Variants in CALN1 observed in about 807,000 individuals in gnomAD.
CALN1 encodes the protein calcium-binding protein 8.
A neutral mutation model predicts 30.6 loss-of-function variants in CALN1; 17 were observed. The observed-to-expected ratio is 0.56, with a 90% confidence interval of 0.38 to 0.83. The LOEUF (loss-of-function observed/expected upper bound fraction) is 0.83. Among genes scored for constraint, CALN1 ranks in the 40% least tolerant of loss-of-function variants. The pLI, the probability that CALN1 is intolerant of heterozygous loss-of-function variation, is 0.00. For synonymous variants in CALN1, 156 were observed against 131.4 expected, an observed-to-expected ratio of 1.19 and a Z score of -1.28; for missense variants, 291 against 354.9, an observed-to-expected ratio of 0.82 and a Z score of 1.45.
intron 6 of CALN1, among the ~76,000 whole-genome samples, chr7:71,794,486 TCTC>T (rs1029241472): frequency 6.6e-6 from 1 of 152,206 alleles, no homozygotes; most frequent in Non-Finnish European, 1.5e-5. Flanking sequence ...TCTGACTTCT[TCTC>T]CTAATTGCCA....
intron 1 of CALN1, among the ~76,000 whole-genome samples, chr7:72,440,688 G>A (rs1002718778): frequency 6.6e-6 from 1 of 152,158 alleles, no homozygotes; most frequent in African/African-American, 2.4e-5. Context: ...TTAGCTGGGT[G>A]TGGTGGCTTA....
Position 72,200,598 on chromosome 7 carries a change from T to A in CALN1, c.244+78088A>T, listed in dbSNP as rs560082803. 9.9e-5 allele frequency among the ~76,000 whole-genome samples: 15 copies of A among 152,128 alleles called. No individual in the cohort carries two copies. The East Asian group carries it at 2.7e-3, about 27-fold the overall frequency. On this transcript the variant is annotated intron_variant, in intron 3 of 6. Transcript: ENST00000395275. ...GGTGGGGTGGAGCTGGGGCTTGAGC[T>A]GAGATCTGCCATCAAAGCCCAGGTT...
chr7:71,847,044 G>T (rs1300035291), intron 5 of CALN1, among the ~76,000 whole-genome samples: 1 of 151,054 alleles, frequency 6.6e-6, no homozygotes, highest in Non-Finnish European at 1.5e-5. Flanking sequence ...AGATCTGCAG[G>T]GTAAGGTGGC....
rs758268653 is a variant in CALN1 at position 71,796,238 on chromosome 7, TG to T, written c.659-8337del. 1.9e-4 allele frequency among the ~76,000 whole-genome samples: 29 copies of T among 152,310 alleles called. No individual in the cohort carries two copies. In the East Asian group the frequency reaches 5.2e-3, roughly 27 times the overall value. ...TTCCTTCCACCTTTTGGGTACTATA[TG>T]AGTCATGCCGCTATGAACATCCATG... On this transcript the variant is annotated intron_variant, in intron 6 of 6. Transcript: ENST00000395275.
At chr7:72,011,225 C>CA (rs201590274) in intron 5 of CALN1, among the ~76,000 whole-genome samples, 2,321 of 149,216 alleles carry the variant, frequency 0.016, 43 homozygotes, top group East Asian at 0.019. Flanking sequence ...TAGGAAAAAA[C>CA]AAAAAAAAAC....
At chr7:72,181,252 T>C (rs1007568955) in intron 3 of CALN1, among the ~76,000 whole-genome samples, 3 of 148,428 alleles carry the variant, frequency 2.0e-5, no homozygotes, top group Non-Finnish European at 4.5e-5. Flanking sequence ...TATAAACATA[T>C]AGTTTTTAGT....
At chr7:72,439,951 G>A (rs904670016) in intron 1 of CALN1, among the ~76,000 whole-genome samples, 1 of 152,156 alleles carries the variant, frequency 6.6e-6, no homozygotes, top group South Asian at 2.1e-4. Context: ...TGTCTCAGGG[G>A]TGGTGGAGGC....
chr7:72,488,890 C>T, the CALN1 span, among the ~76,000 whole-genome samples: 2 of 152,224 alleles, frequency 1.3e-5, no homozygotes, highest in East Asian at 3.9e-4. Flanking sequence ...CACTATGTTG[C>T]CCAGGCTTCC....
intron 2 of CALN1, among the ~76,000 whole-genome samples, chr7:72,356,018 G>C (rs1249415999): frequency 6.6e-6 from 1 of 152,122 alleles, no homozygotes; most frequent in Non-Finnish European, 1.5e-5. Flanking sequence ...AAATGTTTGA[G>C]GTGACTGATT....
chr7:72,124,773 G>A (rs908863426), intron 3 of CALN1, among the ~76,000 whole-genome samples: 3 of 150,670 alleles, frequency 2.0e-5, no homozygotes, highest in African/African-American at 7.3e-5. Flanking sequence ...AAGACAACCT[G>A]AAGAAAAAAA....
intron 5 of CALN1, among the ~76,000 whole-genome samples, chr7:72,015,158 A>G (rs10280279): frequency 0.14 from 21,841 of 152,200 alleles, 2,480 homozygotes; most frequent in East Asian, 0.34. Flanking sequence ...ACTTATGAAT[A>G]AGGATAACTA....
chr7:71,864,299 C>A (rs560142054), intron 5 of CALN1, among the ~76,000 whole-genome samples: 1 of 152,252 alleles, frequency 6.6e-6, no homozygotes, highest in African/African-American at 2.4e-5. Context: ...GGATAGTACA[C>A]TGGGTGGGCC....
intron 3 of CALN1, among the ~76,000 whole-genome samples, chr7:72,187,082 T>C (rs1377414579): frequency 1.3e-5 from 2 of 152,084 alleles, no homozygotes; most frequent in Non-Finnish European, 2.9e-5. Context: ...AAGAATATGA[T>C]TGCTTTAGCC....
At chr7:71,919,276 A>C (rs553529842) in intron 5 of CALN1, among the ~76,000 whole-genome samples, 1 of 152,232 alleles carries the variant, frequency 6.6e-6, no homozygotes, top group Non-Finnish European at 1.5e-5. Context: ...CAATGCCTAC[A>C]TGATAAGGTA....
chr7:71,869,835 G>GA (rs1181607020), intron 5 of CALN1, among the ~76,000 whole-genome samples: 1 of 152,142 alleles, frequency 6.6e-6, no homozygotes, highest in African/African-American at 2.4e-5. Flanking sequence ...AAAGGTGAGT[G>GA]AAACTGCGAG....
At chr7:72,232,457 ATTTT>A (rs397958180) in intron 3 of CALN1, among the ~76,000 whole-genome samples, 1 of 151,800 alleles carries the variant, frequency 6.6e-6, no homozygotes, top group Non-Finnish European at 1.5e-5. Context: ...TTTCAAAAAA[ATTTT>A]TTTTTAATTT....
intron 5 of CALN1, among the ~76,000 whole-genome samples, chr7:71,955,427 C>T (rs866999481): frequency 2.6e-5 from 4 of 152,062 alleles, no homozygotes; most frequent in Non-Finnish European, 4.4e-5. Flanking sequence ...TTTTTGCATA[C>T]GTTCCTTTAT....
chr7:72,192,775 G>A (rs934204406), intron 3 of CALN1, among the ~76,000 whole-genome samples: 1 of 150,144 alleles, frequency 6.7e-6, no homozygotes, highest in Admixed American at 6.6e-5. Context: ...CTAGCATTAG[G>A]TATATCTCCC....
At chr7:72,388,320 T>C (rs1805365892) in intron 2 of CALN1, among the ~76,000 whole-genome samples, 1 of 152,096 alleles carries the variant, frequency 6.6e-6, no homozygotes. Flanking sequence ...TCCTACCTCC[T>C]GTCCTGCCTG....
Sources: gnomAD v4.1 joint callset for allele counts (sites outside exome capture counted in the v4.1 genomes callset) on GRCh38, gnomAD v4.1.1 for gene constraint, MANE v1.5 for transcripts, NCBI Gene and HGNC (gene_info 2026-07-23, HGNC 2026-07-21) for gene names.